Variants in GRID2 observed in about 807,000 individuals in gnomAD.
GRID2 encodes the protein glutamate ionotropic receptor delta type subunit 2.
Under a neutral mutation model 114.8 loss-of-function variants are expected in GRID2, and 33 were observed. That is an observed-to-expected ratio of 0.29 (90% CI 0.22 to 0.38). The LOEUF (loss-of-function observed/expected upper bound fraction) is 0.38. Among genes scored for constraint, GRID2 ranks in the 10% least tolerant of loss-of-function variants. The pLI is 1.00. For synonymous variants in GRID2, 505 were observed against 449.9 expected, an observed-to-expected ratio of 1.12 and a Z score of -1.55; for missense variants, 1,184 against 1,257.7, an observed-to-expected ratio of 0.94 and a Z score of 0.89.
chr4:93,133,934 A>T (rs1735018361), intron 4 of GRID2, among the ~76,000 whole-genome samples: 2 of 152,216 alleles, frequency 1.3e-5, no homozygotes, highest in Non-Finnish European at 2.9e-5. Context: ...AGAAAAGTAG[A>T]ATTCCATTTG....
At chr4:92,631,431 T>C (rs1317636291) in intron 2 of GRID2, among the ~76,000 whole-genome samples, 1 of 152,160 alleles carries the variant, frequency 6.6e-6, no homozygotes, top group Non-Finnish European at 1.5e-5. Context: ...TTATGTGTTT[T>C]TAAAATTTAA....
At chr4:93,531,324 A>G (rs1400403822) in intron 13 of GRID2, among the ~76,000 whole-genome samples, 1 of 152,186 alleles carries the variant, frequency 6.6e-6, no homozygotes, top group Non-Finnish European at 1.5e-5. Context: ...TCCACATGGT[A>G]CTGGCAAACC....
intron 1 of GRID2, among the ~76,000 whole-genome samples, chr4:92,471,934 T>C (rs1437330481): frequency 3.7e-5 from 2 of 54,536 alleles, no homozygotes; most frequent in African/African-American, 1.1e-4. Flanking sequence ...TTCTTTTTTT[T>C]TTTTTTTTTT....
At chr4:92,722,941 G>A (rs535606898) in intron 2 of GRID2, among the ~76,000 whole-genome samples, 6 of 152,174 alleles carry the variant, frequency 3.9e-5, no homozygotes, top group Non-Finnish European at 8.8e-5. Context: ...TAAATCTTTT[G>A]TGAATTGTTA....
intron 1 of GRID2, among the ~76,000 whole-genome samples, chr4:92,479,201 A>T (rs906601187): frequency 6.6e-6 from 1 of 152,160 alleles, no homozygotes; most frequent in Non-Finnish European, 1.5e-5. Flanking sequence ...ACATTAGTGG[A>T]CTTACTTCAA....
chr4:93,270,193 A>G (rs1393360632), intron 8 of GRID2, among the ~76,000 whole-genome samples: 1 of 139,960 alleles, frequency 7.1e-6, no homozygotes, highest in African/African-American at 2.8e-5. Flanking sequence ...CTTCAATATA[A>G]TCTCTCTCTC....
At chr4:93,151,736 A>C (rs1286650172) in intron 4 of GRID2, among the ~76,000 whole-genome samples, 4 of 152,068 alleles carry the variant, frequency 2.6e-5, no homozygotes, top group South Asian at 2.1e-4. Flanking sequence ...CCACTTTTTT[A>C]TTTTGAAGCC....
chr4:93,029,035 T>G (rs2149255033), intron 2 of GRID2, among the ~76,000 whole-genome samples: 1 of 152,182 alleles, frequency 6.6e-6, no homozygotes, highest in East Asian at 1.9e-4. Flanking sequence ...CAATTTTAGA[T>G]TAACATTATG....
intron 8 of GRID2, among the ~76,000 whole-genome samples, chr4:93,285,959 A>C (rs1008985192): frequency 6.6e-6 from 1 of 152,060 alleles, no homozygotes; most frequent in African/African-American, 2.4e-5. Flanking sequence ...TTTTGTGTTA[A>C]GATTTTAATA....
At chr4:92,310,208 C>T (rs1405700994) in intron 1 of GRID2, among the ~76,000 whole-genome samples, 1 of 151,988 alleles carries the variant, frequency 6.6e-6, no homozygotes, top group Non-Finnish European at 1.5e-5. Flanking sequence ...CATAACTATT[C>T]TCACATAGTA....
chr4:93,638,281 A>C (rs1425841757), intron 14 of GRID2, among the ~76,000 whole-genome samples: 1 of 151,026 alleles, frequency 6.6e-6, no homozygotes, highest in African/African-American at 2.4e-5. Context: ...TGCCTAAGAA[A>C]ACATATTTAA....
chr4:93,628,256 A>G (rs557180364), intron 14 of GRID2, among the ~76,000 whole-genome samples: 3 of 152,216 alleles, frequency 2.0e-5, no homozygotes, highest in Admixed American at 1.3e-4. Context: ...ATCCGTCTGT[A>G]AAGCACTTGG....
intron 2 of GRID2, among the ~76,000 whole-genome samples, chr4:92,731,174 T>A (rs901164962): frequency 2.6e-5 from 4 of 151,908 alleles, no homozygotes; most frequent in Non-Finnish European, 5.9e-5. Flanking sequence ...TTCATCATTA[T>A]AGAATTTAGA....
intron 2 of GRID2, among the ~76,000 whole-genome samples, chr4:92,867,622 A>G (rs546369988): frequency 6.0e-5 from 9 of 151,186 alleles, no homozygotes; most frequent in African/African-American, 1.7e-4. Flanking sequence ...AGAGAACAGT[A>G]GTTAATGTGT....
chr4:93,505,737 T>C (rs1728567103), intron 12 of GRID2, among the ~76,000 whole-genome samples: 1 of 151,360 alleles, frequency 6.6e-6, no homozygotes, highest in African/African-American at 2.4e-5. Flanking sequence ...TTTGTTTATT[T>C]AACTAATAGC....
intron 14 of GRID2, among the ~76,000 whole-genome samples, chr4:93,663,405 A>C (rs1391252328): frequency 6.6e-6 from 1 of 152,124 alleles, no homozygotes. Context: ...CAACTATAAC[A>C]ATGCACAGCC....
At chr4:93,052,684 G>A (rs1466069615) in intron 2 of GRID2, among the ~76,000 whole-genome samples, 2 of 151,840 alleles carry the variant, frequency 1.3e-5, no homozygotes, top group South Asian at 2.1e-4. Flanking sequence ...ACTGTATATG[G>A]CAATATACAA....
intron 1 of GRID2, among the ~76,000 whole-genome samples, chr4:93,796,636 C>T (rs1046895287): frequency 2.6e-5 from 4 of 152,180 alleles, no homozygotes; most frequent in African/African-American, 9.7e-5. Context: ...CTCCACCTCC[C>T]GAGTTCAGGT....
At chr4:93,068,249 A>T (rs1177864699) in intron 2 of GRID2, among the ~76,000 whole-genome samples, 1 of 152,046 alleles carries the variant, frequency 6.6e-6, no homozygotes, top group African/African-American at 2.4e-5. Flanking sequence ...GGACTTTCTG[A>T]TACATGTTTT....
Sources: gnomAD v4.1 joint callset for allele counts (sites outside exome capture counted in the v4.1 genomes callset) on GRCh38, gnomAD v4.1.1 for gene constraint, MANE v1.5 for transcripts, NCBI Gene and HGNC (gene_info 2026-07-23, HGNC 2026-07-21) for gene names.